CDH23: variants seen among roughly 807,000 people sequenced by gnomAD.
CDH23 encodes cadherin-23.
CDH23 carries 189 observed loss-of-function variants against 317.1 expected under a neutral mutation model. The observed-to-expected ratio is 0.60, with a 90% CI of 0.53 to 0.67. The LOEUF (loss-of-function observed/expected upper bound fraction) is 0.67, where lower values mean the gene tolerates loss of function less well. Ranked by LOEUF, CDH23 falls within the 30% of genes least tolerant of loss-of-function variation. The pLI is 0.00. For synonymous variants in CDH23, 1,839 were observed against 1,876.8 expected (o/e 0.98, Z 0.52); for missense variants, 4,401 against 4,592.4 (o/e 0.96, Z 1.20).
intron 1 of CDH23, among the ~76,000 whole-genome samples, chr10:71,413,886 T>C (rs1848432376): frequency 6.6e-6 from 1 of 152,210 alleles, no homozygotes; most frequent in South Asian, 2.1e-4. Flanking sequence ...CTGGGTTAAA[T>C]TTATTTCTAA....
intron 1 of CDH23, among the ~76,000 whole-genome samples, chr10:71,437,263 C>T (rs928190687): frequency 1.3e-5 from 2 of 152,166 alleles, no homozygotes; most frequent in African/African-American, 4.8e-5. Flanking sequence ...ATTGACCCAG[C>T]ACTCCCACTG....
At chr10:71,761,757 C>G in intron 38 of CDH23, 3 of 1,614,146 alleles carry the variant, frequency 1.9e-6, no homozygotes, top group Non-Finnish European at 2.5e-6. Context: ...GACTCCAGCC[C>G]GTGGCGCTGA....
chr10:71,636,621 A>T (rs1862290543), intron 11 of CDH23, among the ~76,000 whole-genome samples: 1 of 152,212 alleles, frequency 6.6e-6, no homozygotes, highest in Admixed American at 6.5e-5. Flanking sequence ...GGCCTTCCCC[A>T]GTTGCGTAGT....
rs1337957960 is a variant in CDH23 at position 71,806,263 on chromosome 10, C to G, written c.8160C>G (p.Pro2720=). Residue 2720 remains proline (P), a synonymous_variant, in exon 57 of 70, where the codon CCC becomes CCG. Transcript: ENST00000224721. ...VALEDIDDNE[P]LFVRPPKGSP... is the part of the protein sequence containing the mutation. ...TGGAGGACATCGATGACAACGAACC[C>G]CTTTTCGTGAGGCCTCCAGTGAGCT... is the stretch of plus-strand genomic sequence containing the variant. The G allele has an allele frequency of 6.4e-7, 1 of 1,562,420 alleles. No individual in the cohort carries two copies.
rs187803526 is a variant in CDH23, at chr10:71,734,153, T to C, written c.4105-87T>C. ...GGGAAGTTATGCCGGACAGAGGAAG[T>C]GACATGGAGGTGGAAAAGTGGGCAG... is the stretch of plus-strand genomic sequence containing the variant. On this transcript the variant is annotated intron_variant, in intron 32 of 69. Coordinates refer to ENST00000224721, the MANE Select transcript of CDH23 (RefSeq NM_022124.6). 1.1e-3 allele frequency: 1,144 copies of C among 1,058,088 alleles called. 12 individuals are homozygous for C. In the African/African-American group the frequency reaches 0.017, roughly 15 times the overall value. The allele number at this position is 1,058,088 out of a possible 1,614,324, so 65.5% of individuals were successfully genotyped here. A position where few individuals can be genotyped will look rare whatever the true frequency, so the allele number is the denominator to read the frequency against.
rs1257502797 is a variant in CDH23 at position 71,751,775 on chromosome 10, G to A, written c.4845+9854G>A. ...AGAAGGCTGCCGCTGGGCCACATAG[G>A]ACAGGGGGTGCCTGACTTTGGCCTC... On this transcript the variant is annotated intron_variant, in intron 38 of 69. Coordinates refer to ENST00000224721, the MANE Select transcript of CDH23 (RefSeq NM_022124.6). The surrounding 1 kb of genome is among the most constrained non-coding windows in gnomAD (Gnocchi z 4.9). 1 of 1,602,928 alleles carries A rather than the reference G, an allele frequency of 6.2e-7. No homozygotes were observed. The highest frequency in any genetic ancestry group is 1.7e-5 in the Admixed American group (1 of 58,246).
At chr10:71,811,622 C>T (rs747029695) in intron 64 of CDH23, 32 bp downstream of exon 64, 1 of 1,613,636 alleles carries the variant, frequency 6.2e-7, no homozygotes, top group Non-Finnish European at 8.5e-7. Context: ...CATCAGGGGG[C>T]CGACCACCTG....
At chr10:71,671,351 G>A (rs1325300582) in intron 14 of CDH23, among the ~76,000 whole-genome samples, 1 of 152,188 alleles carries the variant, frequency 6.6e-6, no homozygotes, top group African/African-American at 2.4e-5. Flanking sequence ...TGGCTGGCCT[G>A]TGAGACCCTG....
chr10:71,492,805 G>A (rs1852737570), intron 3 of CDH23, among the ~76,000 whole-genome samples: 1 of 152,218 alleles, frequency 6.6e-6, no homozygotes, highest in Non-Finnish European at 1.5e-5. Flanking sequence ...AGGACACAGG[G>A]CGGGGTGTGC....
At chr10:71,634,864 A>G (rs755939881) in intron 11 of CDH23, among the ~76,000 whole-genome samples, 1 of 152,196 alleles carries the variant, frequency 6.6e-6, no homozygotes, top group Non-Finnish European at 1.5e-5. Flanking sequence ...GGCCATACCC[A>G]TGGGCGTGAT....
intron 12 of CDH23, 89 bp downstream of exon 12, chr10:71,643,955 A>G (rs537750303): frequency 2.7e-6 from 2 of 749,330 alleles, no homozygotes; most frequent in South Asian, 2.8e-5. Context: ...GGCACAGCTC[A>G]GCCCTCCCCC....
chr10:71,418,797 A>G (rs1410365160), intron 1 of CDH23, among the ~76,000 whole-genome samples: 6 of 152,180 alleles, frequency 3.9e-5, no homozygotes, highest in Non-Finnish European at 7.3e-5. Flanking sequence ...GTGGTACCCA[A>G]TTGGGATTTA....
At chr10:71,561,332 GCT>G (rs922226036) in intron 6 of CDH23, among the ~76,000 whole-genome samples, 1 of 150,220 alleles carries the variant, frequency 6.7e-6, no homozygotes, top group Non-Finnish European at 1.5e-5. Context: ...TTTCTTTACT[GCT>G]CTCTCTGTCT....
intron 30 of CDH23, among the ~76,000 whole-genome samples, chr10:71,727,691 G>A (rs1310577700): frequency 3.9e-5 from 6 of 152,024 alleles, no homozygotes; most frequent in African/African-American, 1.4e-4. Flanking sequence ...ATATGCCCAC[G>A]CACACCTCCT....
chr10:71,415,531 A>G (rs1050074267), intron 1 of CDH23, among the ~76,000 whole-genome samples: 3 of 152,208 alleles, frequency 2.0e-5, no homozygotes, highest in Non-Finnish European at 2.9e-5. Context: ...TTTCATCAGA[A>G]TTTGTATTTC....
At chr10:71,776,858 G>T (rs974526960) in intron 38 of CDH23, among the ~76,000 whole-genome samples, 2 of 152,258 alleles carry the variant, frequency 1.3e-5, no homozygotes, top group African/African-American at 4.8e-5. Context: ...CCAGCAGGAA[G>T]CTGGATAGCA....
chr10:71,569,080 G>A lies in CDH23; in HGVS notation c.625-1710G>A, dbSNP rs376037464. On this transcript the variant is annotated intron_variant, in intron 7 of 69. Transcript: ENST00000224721. ...CCCTGGGTGCCTGGTGGTCATTCAGGTCCCTAGCTGGGAGCTCTCCCCATG... is the reference window on the plus strand; with the variant it reads ...CCCTGGGTGCCTGGTGGTCATTCAGATCCCTAGCTGGGAGCTCTCCCCATG... 4.6e-5 allele frequency among the ~76,000 whole-genome samples: 7 copies of A among 152,308 alleles called. No individual in the cohort carries two copies. In the South Asian group the frequency reaches 1.4e-3, roughly 32 times the overall value.
chr10:71,782,750 C>T (rs1057430169), intron 41 of CDH23, among the ~76,000 whole-genome samples: 2 of 152,232 alleles, frequency 1.3e-5, no homozygotes, highest in Admixed American at 6.5e-5. Context: ...TGGGAAACAC[C>T]TAGAAAGGGA....
chr10:71,788,568 G>C (rs1841160640), intron 44 of CDH23, among the ~76,000 whole-genome samples: 1 of 151,786 alleles, frequency 6.6e-6, no homozygotes, highest in Admixed American at 6.6e-5. Flanking sequence ...CCATTCTCCT[G>C]CCTCAGCCTC....
Sources: allele counts gnomAD v4.1 joint callset (sites outside exome capture counted in the v4.1 genomes callset), GRCh38; gene constraint gnomAD v4.1.1; non-coding constraint Gnocchi (gnomAD v3.1); transcripts MANE v1.5; gene names NCBI Gene and HGNC (gene_info 2026-07-23, HGNC 2026-07-21).